Variants in CSMD3 observed in about 807,000 individuals in gnomAD.
The protein encoded by CSMD3 is CUB and sushi domain-containing protein 3.
In CSMD3, 177 loss-of-function variants were observed where a neutral mutation model predicts 435.2. That is an observed-to-expected ratio of 0.41 (90% CI 0.36 to 0.46). The LOEUF is 0.46. CSMD3 is among the 20% of genes least tolerant of loss of function. The pLI is 0.34. For missense variants in CSMD3, 4,265 were observed against 4,504.6 expected, an observed-to-expected ratio of 0.95 and a Z score of 1.52; for synonymous variants, 1,656 against 1,520.5, an observed-to-expected ratio of 1.09 and a Z score of -2.07.
chr8:112,575,598 T>C (rs945140615), intron 23 of CSMD3, among the ~76,000 whole-genome samples: 1 of 152,126 alleles, frequency 6.6e-6, no homozygotes, highest in Non-Finnish European at 1.5e-5. Context: ...TAATTTATCA[T>C]GCAAATAAGT....
intron 5 of CSMD3, among the ~76,000 whole-genome samples, chr8:113,090,124 G>A (rs2089952833): frequency 6.6e-6 from 1 of 151,928 alleles, no homozygotes; most frequent in Non-Finnish European, 1.5e-5. Context: ...TATATGAATT[G>A]GCTACTTATT....
intron 12 of CSMD3, among the ~76,000 whole-genome samples, chr8:112,815,469 T>C (rs1316794220): frequency 1.3e-5 from 2 of 152,178 alleles, no homozygotes; most frequent in Non-Finnish European, 2.9e-5. Flanking sequence ...GGAATATGGA[T>C]ACTTCATTGT....
rs760713871 is a variant in CSMD3 at position 112,556,941 on chromosome 8, T to G, written c.4056A>C (p.Ser1352=). 3 of 1,610,728 alleles carry G rather than the reference T, an allele frequency of 1.9e-6. No homozygotes were observed. The highest frequency in any genetic ancestry group is 2.5e-6 in the Non-Finnish European group (3 of 1,177,698). ...FQLVYTSFEL[S]HCEDPGIPQF... ...GTGGAATGCCAGGATCTTCACAGTG[T>G]GAGAGTTCAAAACCTGGGACAAAAA... The change falls in exon 25 of 71, where the codon TCA becomes TCC. Residue 1352 remains serine (S), a synonymous_variant. Transcript: ENST00000297405.
chr8:112,404,089 T>A (rs1831561962), intron 35 of CSMD3, among the ~76,000 whole-genome samples: 1 of 152,136 alleles, frequency 6.6e-6, no homozygotes, highest in South Asian at 2.1e-4. Context: ...GATATCAAAT[T>A]CCTAGAGAAA....
chr8:112,823,667 T>A (rs2079590720), intron 12 of CSMD3, among the ~76,000 whole-genome samples: 1 of 152,168 alleles, frequency 6.6e-6, no homozygotes, highest in Non-Finnish European at 1.5e-5. Flanking sequence ...CTAATTTGAT[T>A]GCACTTTGGT....
At chr8:112,612,651 A>T (rs374675363) in intron 22 of CSMD3, among the ~76,000 whole-genome samples, 25 of 150,542 alleles carry the variant, frequency 1.7e-4, no homozygotes, top group African/African-American at 6.1e-4. Context: ...GTGATCCTGC[A>T]TGTATATTTT....
intron 27 of CSMD3, among the ~76,000 whole-genome samples, chr8:112,549,608 T>A (rs901866441): frequency 3.3e-5 from 5 of 152,064 alleles, no homozygotes; most frequent in East Asian, 3.9e-4. Flanking sequence ...CATACTTTTT[T>A]AAACTATTTG....
intron 13 of CSMD3, among the ~76,000 whole-genome samples, chr8:112,725,565 C>A (rs951053894): frequency 1.3e-5 from 2 of 151,916 alleles, no homozygotes; most frequent in African/African-American, 2.4e-5. Flanking sequence ...ATAACATCTA[C>A]AAATGACTTT....
Position 112,410,688 on chromosome 8 carries a change from GTATATATATATGTGTATATATATATA to G in CSMD3, c.5396-1682_5396-1657del, listed in dbSNP as rs1563913559. ...TATATATATATGTGTATATATATAT[GTATATATATATGTGTATATATATATA>G]TGTATATATATAGGAAAGGTTTTGT... On this transcript the variant is annotated intron_variant, in intron 32 of 70. Coordinates refer to ENST00000297405, the MANE Select transcript of CSMD3 (RefSeq NM_198123.2). Among the ~76,000 whole-genome samples, 305 of 124,918 alleles carry G rather than the reference GTATATATATATGTGTATATATATATA, an allele frequency of 2.4e-3. 6 individuals are homozygous for G. The highest frequency in any genetic ancestry group is 3.1e-3 in the Non-Finnish European group (187 of 59,950). 82.0% of individuals were successfully genotyped at this position (124,918 alleles called of 152,430 possible). A position where few individuals can be genotyped will look rare whatever the true frequency, so the allele number is the denominator to read the frequency against.
chr8:113,208,457 T>G (rs1202606215), intron 3 of CSMD3, among the ~76,000 whole-genome samples: 1 of 152,140 alleles, frequency 6.6e-6, no homozygotes, highest in Non-Finnish European at 1.5e-5. Flanking sequence ...AGAAAAGTAT[T>G]TTGAGAACTA....
At chr8:112,414,599 C>A (rs1193710373) in intron 32 of CSMD3, among the ~76,000 whole-genome samples, 1 of 152,108 alleles carries the variant, frequency 6.6e-6, no homozygotes, top group East Asian at 1.9e-4. Flanking sequence ...TGGGGTGCTG[C>A]TACAAAGATA....
intron 5 of CSMD3, among the ~76,000 whole-genome samples, chr8:113,057,814 A>G (rs2088416054): frequency 6.6e-6 from 1 of 151,974 alleles, no homozygotes; most frequent in Non-Finnish European, 1.5e-5. Flanking sequence ...AATGAGATGA[A>G]TAGATATGTA....
chr8:112,628,036 T>C (rs1394808426), intron 22 of CSMD3, among the ~76,000 whole-genome samples: 2 of 152,202 alleles, frequency 1.3e-5, no homozygotes, highest in African/African-American at 2.4e-5. Context: ...AGGATGTCTG[T>C]AAATTTGTTT....
intron 32 of CSMD3, among the ~76,000 whole-genome samples, chr8:112,424,884 G>T (rs973348877): frequency 6.6e-6 from 1 of 152,138 alleles, no homozygotes; most frequent in African/African-American, 2.4e-5. Flanking sequence ...TAGAGACGGG[G>T]TTTCACCATG....
At chr8:112,789,200 A>G (rs2078626637) in intron 13 of CSMD3, among the ~76,000 whole-genome samples, 1 of 152,160 alleles carries the variant, frequency 6.6e-6, no homozygotes, top group Admixed American at 6.6e-5. Context: ...TTGTGCAGCA[A>G]GTTCTGAGAG....
intron 9 of CSMD3, among the ~76,000 whole-genome samples, chr8:112,936,875 T>G (rs1430336046): frequency 2.0e-5 from 3 of 152,184 alleles, no homozygotes; most frequent in Non-Finnish European, 2.9e-5. Context: ...TATGTACATT[T>G]AAACTTTACT....
intron 9 of CSMD3, among the ~76,000 whole-genome samples, chr8:112,939,227 GAA>G (rs1248841265): frequency 6.6e-6 from 1 of 152,060 alleles, no homozygotes; most frequent in African/African-American, 2.4e-5. Context: ...AGAGGGAACT[GAA>G]GATTACTAAT....
intron 30 of CSMD3, among the ~76,000 whole-genome samples, chr8:112,497,394 T>C (rs1821463241): frequency 6.6e-6 from 1 of 151,816 alleles, no homozygotes; most frequent in Non-Finnish European, 1.5e-5. Context: ...AAATGATAAA[T>C]GCTTGATGTG....
At chr8:112,884,093 G>C (rs989447530) in intron 10 of CSMD3, among the ~76,000 whole-genome samples, 1 of 151,802 alleles carries the variant, frequency 6.6e-6, no homozygotes, top group South Asian at 2.1e-4. Context: ...GTATGCCACA[G>C]GGTGTTTTAA....
Sources: allele counts gnomAD v4.1 joint callset (sites outside exome capture counted in the v4.1 genomes callset), GRCh38; gene constraint gnomAD v4.1.1; transcripts MANE v1.5; gene names NCBI Gene and HGNC (gene_info 2026-07-23, HGNC 2026-07-21).